PDE1A: variants seen among roughly 807,000 people sequenced by gnomAD.
The protein encoded by PDE1A is phosphodiesterase 1A, also known as dual specificity calcium/calmodulin-dependent 3',5'-cyclic nucleotide phosphodiesterase 1A.
PDE1A carries 35 observed loss-of-function variants against 61.7 expected under a neutral mutation model. The observed-to-expected ratio is 0.57, with a 90% CI of 0.43 to 0.75. The LOEUF (loss-of-function observed/expected upper bound fraction) is 0.75, where lower values mean the gene tolerates loss of function less well. Among genes scored for constraint, PDE1A ranks in the 30% least tolerant of loss-of-function variants. PDE1A has a pLI of 0.00. For missense variants in PDE1A, 597 were observed against 630.6 expected (o/e 0.95, Z 0.57); for synonymous variants, 232 against 213.2 (o/e 1.09, Z -0.77).
the PDE1A span, among the ~76,000 whole-genome samples, chr2:182,636,069 C>T: frequency 2.0e-5 from 3 of 147,944 alleles, no homozygotes; most frequent in African/African-American, 2.5e-5. Flanking sequence ...CATTCTCCTG[C>T]TTCAGGCTCC....
At chr2:182,210,128 A>G (rs1687462311) in intron 7 of PDE1A, among the ~76,000 whole-genome samples, 1 of 152,188 alleles carries the variant, frequency 6.6e-6, no homozygotes, top group Non-Finnish European at 1.5e-5. Flanking sequence ...TTTTGTGTGA[A>G]TGTGTTTGTA....
At chr2:182,555,330 A>G in the PDE1A span, among the ~76,000 whole-genome samples, 1 of 152,238 alleles carries the variant, frequency 6.6e-6, no homozygotes, top group Non-Finnish European at 1.5e-5. Context: ...GCGTTTGATA[A>G]TAGAAGTAAG....
chr2:182,558,708 A>C, the PDE1A span, among the ~76,000 whole-genome samples: 2 of 152,260 alleles, frequency 1.3e-5, no homozygotes, highest in Non-Finnish European at 2.9e-5. Context: ...CATGCCAAAG[A>C]CAAAGGATTT....
At chr2:182,668,018 C>T in the PDE1A span, among the ~76,000 whole-genome samples, 7 of 152,108 alleles carry the variant, frequency 4.6e-5, no homozygotes, top group Non-Finnish European at 5.9e-5. Flanking sequence ...ACACCCTTCC[C>T]AACCCATGGA....
the PDE1A span, among the ~76,000 whole-genome samples, chr2:182,652,663 A>T: frequency 1.3e-5 from 2 of 152,240 alleles, no homozygotes; most frequent in South Asian, 2.1e-4. Flanking sequence ...ATTAAATGCA[A>T]TTCATCACTG....
Position 182,234,000 on chromosome 2 carries a change from C to T in PDE1A, c.417+432G>A, listed in dbSNP as rs544141873. Among the ~76,000 whole-genome samples, 2 of 152,232 alleles carry T rather than the reference C, an allele frequency of 1.3e-5. 1 individual carries two copies. Among genetic ancestry groups the T allele is most frequent in the South Asian group, 4.1e-4 (2 of 4,824 alleles). On this transcript the variant is annotated intron_variant, in intron 4 of 13. Transcript: ENST00000351439. The stretch of plus-strand genomic sequence containing the variant: ...TACATTTTGTATTTTTTCAGACCTA[C>T]AATCCTAAATAATTTCCTTCTGTAT...
intron 2 of PDE1A, among the ~76,000 whole-genome samples, chr2:182,461,322 A>G (rs989405840): frequency 1.3e-5 from 2 of 152,146 alleles, no homozygotes; most frequent in African/African-American, 4.8e-5. Context: ...TGTCAACTAA[A>G]TTGTTTCCAT....
chr2:182,665,569 G>T, the PDE1A span, among the ~76,000 whole-genome samples: 2 of 152,290 alleles, frequency 1.3e-5, no homozygotes, highest in East Asian at 3.9e-4. Context: ...GGAAACAACA[G>T]ATGCTTGTGA....
At chr2:182,668,342 G>C in the PDE1A span, among the ~76,000 whole-genome samples, 1 of 152,054 alleles carries the variant, frequency 6.6e-6, no homozygotes, top group Admixed American at 6.6e-5. Flanking sequence ...CATGGACTTA[G>C]GCAGAGGGCA....
At chr2:182,265,761 T>C (rs1276806909) in intron 1 of PDE1A, among the ~76,000 whole-genome samples, 2 of 152,154 alleles carry the variant, frequency 1.3e-5, no homozygotes, top group African/African-American at 2.4e-5. Flanking sequence ...CTTTACCAAG[T>C]ACAAAAGGAA....
intron 2 of PDE1A, among the ~76,000 whole-genome samples, chr2:182,490,803 T>C (rs1688335510): frequency 6.6e-6 from 1 of 152,188 alleles, no homozygotes; most frequent in Non-Finnish European, 1.5e-5. Flanking sequence ...TGAATGACAA[T>C]ATACTTTAGT....
chr2:182,626,080 C>T, the PDE1A span, among the ~76,000 whole-genome samples: 60,453 of 152,000 alleles, frequency 0.4, 13,551 homozygotes, highest in Admixed American at 0.55. Context: ...TCCCTGCTGC[C>T]TTTGAAATCT....
chr2:182,533,451 G>C, the PDE1A span, among the ~76,000 whole-genome samples: 2 of 152,062 alleles, frequency 1.3e-5, no homozygotes, highest in Non-Finnish European at 2.9e-5. Flanking sequence ...CTTAGTAAAA[G>C]TGATGGAATA....
chr2:182,536,876 C>A, the PDE1A span, among the ~76,000 whole-genome samples: 2 of 152,110 alleles, frequency 1.3e-5, no homozygotes, highest in Non-Finnish European at 2.9e-5. Flanking sequence ...ATTCTGATTA[C>A]CCTAAAGCCA....
chr2:182,369,973 A>G (rs1452678930), intron 1 of PDE1A, among the ~76,000 whole-genome samples: 2 of 151,962 alleles, frequency 1.3e-5, no homozygotes, highest in African/African-American at 4.8e-5. Flanking sequence ...TCAGGAGATC[A>G]AGACCATCCT....
chr2:182,605,475 C>G, the PDE1A span, among the ~76,000 whole-genome samples: 1 of 152,182 alleles, frequency 6.6e-6, no homozygotes, highest in African/African-American at 2.4e-5. Flanking sequence ...ACTGTGGAAA[C>G]ACAGGAATGG....
chr2:182,706,475 G>A, the PDE1A span, among the ~76,000 whole-genome samples: 3 of 152,100 alleles, frequency 2.0e-5, no homozygotes, highest in South Asian at 6.2e-4. Flanking sequence ...TGCTAACCAA[G>A]AAGGAGTGAA....
At chr2:182,336,862 G>A (rs1296595418) in intron 1 of PDE1A, among the ~76,000 whole-genome samples, 1 of 151,144 alleles carries the variant, frequency 6.6e-6, no homozygotes, top group Non-Finnish European at 1.5e-5. Flanking sequence ...GGTAGGGTGT[G>A]AGGGGAGGAA....
intron 2 of PDE1A, among the ~76,000 whole-genome samples, chr2:182,256,431 C>T (rs1033195235): frequency 1.3e-5 from 2 of 150,538 alleles, no homozygotes; most frequent in Non-Finnish European, 3.0e-5. Context: ...TTTTTTATGG[C>T]TGCATAGTAT....
Sources: gnomAD v4.1 joint callset for allele counts (sites outside exome capture counted in the v4.1 genomes callset) on GRCh38, gnomAD v4.1.1 for gene constraint, MANE v1.5 for transcripts, NCBI Gene and HGNC (gene_info 2026-07-23, HGNC 2026-07-21) for gene names.